GUCA1C: variants seen among roughly 807,000 people sequenced by gnomAD.
GUCA1C encodes guanylyl cyclase-activating protein 3.
Under a neutral mutation model 16.2 loss-of-function variants are expected in GUCA1C, and 15 were observed. The ratio of observed to expected loss-of-function variants is 0.93; its 90% CI spans 0.62 to 1.43. The LOEUF (loss-of-function observed/expected upper bound fraction) is 1.43. Ranked by LOEUF, GUCA1C falls within the 40% of genes most tolerant of loss-of-function variation. The pLI, the probability that GUCA1C is intolerant of heterozygous loss-of-function variation, is 0.00. For missense variants in GUCA1C, 275 were observed against 244.8 expected (o/e 1.12, Z -0.82); for synonymous variants, 78 against 85.4 (o/e 0.91, Z 0.48).
intron 1 of GUCA1C, among the ~76,000 whole-genome samples, chr3:108,933,733 G>T (rs2107301799): frequency 6.6e-6 from 1 of 152,286 alleles, no homozygotes; most frequent in South Asian, 2.1e-4. Context: ...CTGTTGGTGG[G>T]AATGTAAATT....
intron 2 of GUCA1C, among the ~76,000 whole-genome samples, chr3:108,918,198 T>C (rs1490787133): frequency 3.3e-5 from 5 of 152,114 alleles, no homozygotes; most frequent in Admixed American, 3.3e-4. Flanking sequence ...CCCTCTCTAC[T>C]CTCCAACTCA....
At chr3:108,926,357 G>C (rs1946622710) in intron 1 of GUCA1C, among the ~76,000 whole-genome samples, 1 of 152,200 alleles carries the variant, frequency 6.6e-6, no homozygotes, top group South Asian at 2.1e-4. Flanking sequence ...GCAGATAGTT[G>C]TTTGGTGAAG....
At chr3:108,923,525 C>G (rs1357383379) in intron 1 of GUCA1C, among the ~76,000 whole-genome samples, 1 of 152,150 alleles carries the variant, frequency 6.6e-6, no homozygotes, top group African/African-American at 2.4e-5. Flanking sequence ...AGTTTTTATA[C>G]CAGTGCCATG....
rs568774460 is a variant in GUCA1C at position 108,916,460 on chromosome 3, A to G, written c.355-246T>C. Among the ~76,000 whole-genome samples the G allele has an allele frequency of 2.0e-5, 3 of 152,350 alleles. No individual in the cohort carries two copies. In the East Asian group the frequency reaches 5.8e-4, roughly 29 times the overall value. On this transcript the variant is annotated intron_variant, in intron 2 of 3. Transcript: ENST00000261047. ...TACAGCATACAGGGATCCATTCAAC[A>G]TATTAGATCACAACAGATGCAATGA...
intron 2 of GUCA1C, among the ~76,000 whole-genome samples, chr3:108,919,469 G>A (rs546021389): frequency 4.6e-5 from 7 of 152,092 alleles, no homozygotes; most frequent in Non-Finnish European, 1.0e-4. Flanking sequence ...TTGTTCACTT[G>A]CCAAGTGAAT....
Position 108,953,814 on chromosome 3 carries a change from G to C in GUCA1C, c.-52C>G. On this transcript the variant is annotated 5_prime_UTR_variant, in exon 1 of 4. Coordinates refer to ENST00000261047, the MANE Select transcript of GUCA1C (RefSeq NM_005459.4). ...TCAGGTTGTTTTCACTTAAGTTTTT[G>C]CTGGATTTAGTCCCTTACTCCTCAC... 7.6e-7 allele frequency: 1 copy of C among 1,314,464 alleles called. No individual in the cohort carries two copies. The highest frequency in any genetic ancestry group is 1.1e-6 in the Non-Finnish European group (1 of 908,588). The allele number at this position is 1,314,464 out of a possible 1,614,324, so 81.4% of individuals were successfully genotyped here.
chr3:108,912,222 T>C (rs896656549), intron 3 of GUCA1C, among the ~76,000 whole-genome samples: 7 of 151,918 alleles, frequency 4.6e-5, no homozygotes, highest in Non-Finnish European at 8.8e-5. Flanking sequence ...GTTGGCTCTA[T>C]GTGAGACTTA....
At chr3:108,930,601 A>G (rs1483760097) in intron 1 of GUCA1C, among the ~76,000 whole-genome samples, 13 of 152,222 alleles carry the variant, frequency 8.5e-5, no homozygotes. Context: ...AAAACATTTC[A>G]AAGTCATTTT....
chr3:108,913,947 T>C (rs1441703633), intron 3 of GUCA1C, among the ~76,000 whole-genome samples: 1 of 151,958 alleles, frequency 6.6e-6, no homozygotes, highest in East Asian at 1.9e-4. Flanking sequence ...GAGCCTGTAG[T>C]CCCAGCTACT....
intron 1 of GUCA1C, among the ~76,000 whole-genome samples, chr3:108,929,981 G>C (rs1396771041): frequency 6.6e-6 from 1 of 152,168 alleles, no homozygotes; most frequent in Non-Finnish European, 1.5e-5. Flanking sequence ...TGCAAGTTTA[G>C]GTAGTGTCCC....
chr3:108,933,679 A>ATGCTG (rs1442153973), intron 1 of GUCA1C, among the ~76,000 whole-genome samples: 1 of 152,244 alleles, frequency 6.6e-6, no homozygotes, highest in African/African-American at 2.4e-5. Flanking sequence ...GTTAAAAAAC[A>ATGCTG]GTAGAGGCTG....
chr3:108,912,543 G>C (rs1300599474), intron 3 of GUCA1C, among the ~76,000 whole-genome samples: 2 of 151,610 alleles, frequency 1.3e-5, no homozygotes, highest in Non-Finnish European at 2.9e-5. Flanking sequence ...ATGTCCTCAT[G>C]ATTAAAAAAA....
chr3:108,953,690 T>C lies in GUCA1C; in HGVS notation c.73A>G (p.Thr25Ala). 1 of 1,613,214 alleles carries C rather than the reference T, an allele frequency of 6.2e-7. No homozygotes were observed. The highest frequency in any genetic ancestry group is 8.5e-7 in the Non-Finnish European group (1 of 1,179,170). Residue 25 changes from threonine (T) to alanine (A), a missense_variant, in exon 1 of 4, where the codon ACA becomes GCA. Thr to Ala is a moderately conservative substitution (Grantham distance 58, BLOSUM62 0). Coordinates refer to ENST00000261047, the MANE Select transcript of GUCA1C (RefSeq NM_005459.4). ...CCGGATGGATATTCCATCATAAATG[T>C]TCTGTACCACACATGGGTCTCTTGT... ...PTQETHVWYR[T>A]FMMEYPSGLQ...
chr3:108,938,654 A>G (rs1946753559), intron 1 of GUCA1C, among the ~76,000 whole-genome samples: 1 of 152,234 alleles, frequency 6.6e-6, no homozygotes, highest in African/African-American at 2.4e-5. Flanking sequence ...CACAGTCTCT[A>G]TGAAACATGG....
intron 2 of GUCA1C, 83 bp downstream of exon 2, chr3:108,920,353 G>T: frequency 1.0e-6 from 1 of 984,896 alleles, no homozygotes; most frequent in South Asian, 1.4e-5. Flanking sequence ...CAACCCCATA[G>T]ACAGCTGTTA....
intron 1 of GUCA1C, among the ~76,000 whole-genome samples, chr3:108,927,005 T>C (rs1156846131): frequency 6.6e-6 from 1 of 152,206 alleles, no homozygotes; most frequent in Non-Finnish European, 1.5e-5. Flanking sequence ...TTTCACTGGA[T>C]ACAAAATTCT....
At chr3:108,923,852 G>C (rs2593967) in intron 1 of GUCA1C, among the ~76,000 whole-genome samples, 2 of 151,926 alleles carry the variant, frequency 1.3e-5, no homozygotes, top group African/African-American at 2.4e-5. Context: ...AGTTTTCCTC[G>C]TAGAGGTGTT....
chr3:108,942,210 A>G (rs1364724973), intron 1 of GUCA1C, among the ~76,000 whole-genome samples: 1 of 152,232 alleles, frequency 6.6e-6, no homozygotes, highest in Non-Finnish European at 1.5e-5. Flanking sequence ...ATGAAATAAT[A>G]AACATAAAAT....
rs147712505 is a variant in GUCA1C at position 108,942,444 on chromosome 3, T to C, written c.204+11115A>G. ...ACTGTCTTGCTTTATTCATTGGTTATATAATCTCGATATAACTTTTTTCCT... is the reference window on the plus strand; with the variant it reads ...ACTGTCTTGCTTTATTCATTGGTTACATAATCTCGATATAACTTTTTTCCT... On this transcript the variant is annotated intron_variant, in intron 1 of 3. Transcript: ENST00000261047. Among the ~76,000 whole-genome samples, 45 of 152,380 alleles carry C rather than the reference T, an allele frequency of 3.0e-4. No homozygotes were observed. The East Asian group carries it at 8.1e-3, about 27-fold the overall frequency.
Sources: gnomAD v4.1 joint callset for allele counts (sites outside exome capture counted in the v4.1 genomes callset) on GRCh38, gnomAD v4.1.1 for gene constraint, MANE v1.5 for transcripts, NCBI Gene and HGNC (gene_info 2026-07-23, HGNC 2026-07-21) for gene names.